Variants in CRISPLD2 observed in about 807,000 individuals in gnomAD.
CRISPLD2 encodes cysteine-rich secretory protein LCCL domain-containing 2.
In CRISPLD2, 47 loss-of-function variants were observed where a neutral mutation model predicts 71.1. The ratio of observed to expected loss-of-function variants is 0.66; its 90% CI spans 0.52 to 0.84. The LOEUF (loss-of-function observed/expected upper bound fraction) is 0.84, where lower values mean the gene tolerates loss of function less well. Among genes scored for constraint, CRISPLD2 ranks in the 40% least tolerant of loss-of-function variants. The pLI, the probability that CRISPLD2 is intolerant of heterozygous loss-of-function variation, is 0.00. For synonymous variants in CRISPLD2, 317 were observed against 250.1 expected (o/e 1.27, Z -2.52); for missense variants, 830 against 651.1 (o/e 1.27, Z -2.99).
At chr16:84,834,177 G>T (rs1916558400) in intron 1 of CRISPLD2, among the ~76,000 whole-genome samples, 1 of 152,198 alleles carries the variant, frequency 6.6e-6, no homozygotes, top group Non-Finnish European at 1.5e-5. Flanking sequence ...GGAAAGTCAG[G>T]AGGGTGAGAG....
intron 1 of CRISPLD2, among the ~76,000 whole-genome samples, chr16:84,829,919 G>A (rs1916446002): frequency 6.6e-6 from 1 of 152,256 alleles, no homozygotes; most frequent in South Asian, 2.1e-4. Context: ...CGTGGGTTTG[G>A]TGATGAACAT....
At chr16:84,844,284 G>A (rs568446561) in intron 2 of CRISPLD2, among the ~76,000 whole-genome samples, 340 of 152,324 alleles carry the variant, frequency 2.2e-3, no homozygotes, top group Non-Finnish European at 3.1e-3. Context: ...AGGATGGGCC[G>A]TGCTGGGAGG....
chr16:84,857,173 G>A (rs1022855388), intron 6 of CRISPLD2, among the ~76,000 whole-genome samples: 9 of 152,220 alleles, frequency 5.9e-5, no homozygotes, highest in African/African-American at 1.7e-4. Flanking sequence ...TTGGTGGGTG[G>A]AGGTCCATGT....
At chr16:84,855,018 C>G (rs963067144) in intron 6 of CRISPLD2, among the ~76,000 whole-genome samples, 189 bp downstream of exon 6, 6 of 152,198 alleles carry the variant, frequency 3.9e-5, no homozygotes, top group African/African-American at 1.4e-4. Flanking sequence ...GGCTCAGCTT[C>G]CAGGCCCCTG....
intron 6 of CRISPLD2, among the ~76,000 whole-genome samples, chr16:84,863,533 G>T (rs1301270666): frequency 6.6e-6 from 1 of 152,214 alleles, no homozygotes; most frequent in Admixed American, 6.5e-5. Context: ...CAGGCTTTGG[G>T]GAAAGGTGGT....
At chr16:84,891,426 G>A (rs559043784) in intron 14 of CRISPLD2, among the ~76,000 whole-genome samples, 5 of 152,246 alleles carry the variant, frequency 3.3e-5, no homozygotes, top group African/African-American at 7.2e-5. Context: ...CTCTGCCATC[G>A]GCAGCCCTGA....
At chr16:84,879,747 A>G (rs942676540) in intron 12 of CRISPLD2, among the ~76,000 whole-genome samples, 7 of 151,738 alleles carry the variant, frequency 4.6e-5, no homozygotes, top group African/African-American at 1.7e-4. Flanking sequence ...AACTGTTTCA[A>G]CTTCTCAGTC....
At chr16:84,844,296 G>A (rs1916852326) in intron 2 of CRISPLD2, among the ~76,000 whole-genome samples, 1 of 152,234 alleles carries the variant, frequency 6.6e-6, no homozygotes, top group Non-Finnish European at 1.5e-5. Context: ...GCTGGGAGGT[G>A]AGCAGGGCTG....
chr16:84,902,229 T>C (rs1352287244), intron 14 of CRISPLD2, among the ~76,000 whole-genome samples: 2 of 152,086 alleles, frequency 1.3e-5, no homozygotes, highest in Admixed American at 1.3e-4. Flanking sequence ...TCAGGCAATA[T>C]CCCAAGTACA....
intron 6 of CRISPLD2, among the ~76,000 whole-genome samples, chr16:84,863,727 T>A (rs544298200): frequency 1.4e-4 from 21 of 151,872 alleles, no homozygotes; most frequent in African/African-American, 4.8e-4. Flanking sequence ...CCCAACACTT[T>A]GGGAGGCTGA....
At chr16:84,823,489 T>C (rs968106319) in intron 1 of CRISPLD2, among the ~76,000 whole-genome samples, 1 of 152,218 alleles carries the variant, frequency 6.6e-6, no homozygotes, top group Non-Finnish European at 1.5e-5. Context: ...CATTCCAGAA[T>C]GTGTTGCTGG....
chr16:84,861,670 T>C (rs1917385482), intron 6 of CRISPLD2, among the ~76,000 whole-genome samples: 1 of 152,112 alleles, frequency 6.6e-6, no homozygotes, highest in South Asian at 2.1e-4. Flanking sequence ...CTTTGCATTC[T>C]TCAATCCAGT....
intron 13 of CRISPLD2, among the ~76,000 whole-genome samples, chr16:84,883,832 G>A (rs1168975660): frequency 6.6e-6 from 1 of 150,850 alleles, no homozygotes; most frequent in Non-Finnish European, 1.5e-5. Flanking sequence ...TAAGCCTGGG[G>A]TCTTATTTAA....
In CRISPLD2 at chr16:84,908,538, A is replaced by T. The variant is rs1705158552; in HGVS notation, c.*1896A>T. 6.6e-6 allele frequency: 1 copy of T among 152,202 alleles called. No individual in the cohort carries two copies. Among genetic ancestry groups the T allele is most frequent in the African/African-American group, 2.4e-5 (1 of 41,448 alleles). The allele number at this position is 152,202 out of a possible 1,614,324, so 9.4% of individuals were successfully genotyped here. A position where few individuals can be genotyped will look rare whatever the true frequency, so the allele number is the denominator to read the frequency against. On this transcript the variant is annotated 3_prime_UTR_variant, in exon 15 of 15. Coordinates refer to ENST00000262424, the MANE Select transcript of CRISPLD2 (RefSeq NM_031476.4). ...ATCCCAGTGGGCTCGCTTCCAAAGC[A>T]TCCCACTCAAGGGAGACTTGAAACT...
chr16:84,827,554 C>G (rs971460780), intron 1 of CRISPLD2, among the ~76,000 whole-genome samples: 3 of 143,672 alleles, frequency 2.1e-5, no homozygotes, highest in African/African-American at 8.4e-5. Flanking sequence ...CTGCAGTGCC[C>G]TTTCTTTTTT....
intron 14 of CRISPLD2, among the ~76,000 whole-genome samples, chr16:84,894,143 T>G (rs2071685769): frequency 6.6e-6 from 1 of 152,122 alleles, no homozygotes; most frequent in Non-Finnish European, 1.5e-5. Context: ...AAGGCAGCCA[T>G]GCAGAAATGA....
intron 13 of CRISPLD2, among the ~76,000 whole-genome samples, chr16:84,887,105 T>A (rs2071620107): frequency 6.6e-6 from 1 of 152,222 alleles, no homozygotes; most frequent in South Asian, 2.1e-4. Context: ...AGGCACCAGC[T>A]TGGTGAACCA....
intron 5 of CRISPLD2, among the ~76,000 whole-genome samples, chr16:84,854,389 A>G (rs935193584): frequency 6.6e-6 from 1 of 152,104 alleles, no homozygotes; most frequent in Admixed American, 6.6e-5. Context: ...GCAGCTTTTC[A>G]GCGCTAAGGT....
At position 84,849,472 on chromosome 16, in the gene CRISPLD2, G is replaced by T. The variant is rs1917018253; in HGVS notation, c.447G>T (p.Trp149Cys). 4 of 1,614,126 alleles carry T rather than the reference G, an allele frequency of 2.5e-6. No individual in the cohort carries two copies. The South Asian group carries it at 4.4e-5, about 18-fold the overall frequency. Reference protein sequence around the residue: ...TYPYPSECNPWCPERCSGPMC... With the variant: ...TYPYPSECNPCCPERCSGPMC... ...CCTACCCGAGCGAGTGCAACCCCTG[G>T]TGTCCAGAGAGGTGCTCGGGGCCCA... is the stretch of plus-strand genomic sequence containing the variant. Residue 149 changes from tryptophan to cysteine, a missense_variant, in exon 4 of 15, where the codon TGG becomes TGT. Trp to Cys is a radical substitution (Grantham distance 215). Coordinates refer to ENST00000262424, the MANE Select transcript of CRISPLD2 (RefSeq NM_031476.4).
Sources: gnomAD v4.1 joint callset for allele counts (sites outside exome capture counted in the v4.1 genomes callset) on GRCh38, gnomAD v4.1.1 for gene constraint, MANE v1.5 for transcripts, NCBI Gene and HGNC (gene_info 2026-07-23, HGNC 2026-07-21) for gene names.